The following FXR1 variants were observed in gnomAD, a reference collection of about 807,000 sequenced individuals.
The protein encoded by FXR1 is RNA-binding protein FXR1.
FXR1 carries 15 observed loss-of-function variants against 84.0 expected under a neutral mutation model. That is an observed-to-expected ratio of 0.18 (90% CI 0.12 to 0.27). FXR1 has a LOEUF of 0.27. Ranked by LOEUF, FXR1 falls within the 10% of genes least tolerant of loss-of-function variation. The pLI is 1.00. For synonymous variants in FXR1, 245 were observed against 250.7 expected (o/e 0.98, Z 0.21); for missense variants, 480 against 774.4 (o/e 0.62, Z 4.51).
chr3:180,980,548 A>G lies in FXR1; in HGVS notation c.*4256A>G, dbSNP rs1376161484. ...ATACTTAATTGTTGCTTGGTTGCTT[A>G]CATTTCAACCTCTAGGCTTCCTTTT... On this transcript the variant is annotated 3_prime_UTR_variant, in exon 17 of 17. Transcript: ENST00000357559. 6.6e-6 allele frequency: 1 copy of G among 152,004 alleles called. No homozygotes were observed. The highest frequency in any genetic ancestry group is 1.5e-5 in the Non-Finnish European group (1 of 67,894). The allele number at this position is 152,004 out of a possible 1,614,324, so 9.4% of individuals were successfully genotyped here. A position where few individuals can be genotyped will look rare whatever the true frequency, so the allele number is the denominator to read the frequency against.
chr3:180,926,391 A>G (rs1382778367), intron 1 of FXR1, among the ~76,000 whole-genome samples: 1 of 150,930 alleles, frequency 6.6e-6, no homozygotes, highest in Non-Finnish European at 1.5e-5. Flanking sequence ...TGAAACTTTT[A>G]ATAGGTTGGA....
At chr3:180,964,832 C>T (rs111247037) in intron 13 of FXR1, among the ~76,000 whole-genome samples, 34 of 151,572 alleles carry the variant, frequency 2.2e-4, no homozygotes, top group African/African-American at 7.7e-4. Context: ...TTTAATGGCA[C>T]ATAAAATAAT....
intron 1 of FXR1, among the ~76,000 whole-genome samples, chr3:180,917,945 T>TC (rs1341315339): frequency 3.0e-5 from 2 of 66,096 alleles, no homozygotes; most frequent in Middle Eastern, 0.011. Context: ...AGACTCTGTC[T>TC]CCAAAAAAAA....
rs1418413160 is a variant in FXR1 at position 180,980,997 on chromosome 3, CATT to C, written c.*4706_*4708del. 3 of 151,652 alleles carry C rather than the reference CATT, an allele frequency of 2.0e-5. No individual in the cohort carries two copies. Among genetic ancestry groups the C allele is most frequent in the African/African-American group, 7.3e-5 (3 of 41,272 alleles). 9.4% of individuals were successfully genotyped at this position (151,652 alleles called of 1,614,324 possible). A position where few individuals can be genotyped will look rare whatever the true frequency, so the allele number is the denominator to read the frequency against. ...TTTTTAAGCTTAGTCTGTTCTTTGACATTGTTGATTCATGTTCTAAATTTTCAT... is the reference window on the plus strand; with the variant it reads ...TTTTTAAGCTTAGTCTGTTCTTTGACGTTGATTCATGTTCTAAATTTTCAT... On this transcript the variant is annotated 3_prime_UTR_variant, in exon 17 of 17. Transcript: ENST00000357559.
intron 1 of FXR1, among the ~76,000 whole-genome samples, chr3:180,919,059 T>C (rs988175751): frequency 6.6e-6 from 1 of 152,194 alleles, no homozygotes; most frequent in Non-Finnish European, 1.5e-5. Context: ...TTGTTACTAA[T>C]ATGAGGAGAA....
chr3:180,915,395 T>TA (rs1717763896), intron 1 of FXR1: 8 of 713,844 alleles, frequency 1.1e-5, no homozygotes, highest in Non-Finnish European at 1.6e-5. Flanking sequence ...TAGTTTTTCT[T>TA]ATTCAGAACG....
intron 3 of FXR1, among the ~76,000 whole-genome samples, chr3:180,936,382 C>T (rs545224783): frequency 8.5e-5 from 13 of 152,164 alleles, no homozygotes; most frequent in Non-Finnish European, 1.6e-4. Context: ...ATTCTCCTGC[C>T]ACAGCCTTCT....
intron 1 of FXR1, among the ~76,000 whole-genome samples, chr3:180,930,398 G>T (rs1252470975): frequency 6.6e-6 from 1 of 152,128 alleles, no homozygotes; most frequent in Non-Finnish European, 1.5e-5. Context: ...ATAGAAAAAA[G>T]GTTTTTATTA....
intron 7 of FXR1, among the ~76,000 whole-genome samples, 200 bp from the exon 8 acceptor site, chr3:180,951,098 C>T (rs978346336): frequency 2.0e-5 from 3 of 151,842 alleles, no homozygotes; most frequent in African/African-American, 7.3e-5. Flanking sequence ...TGGTGCGTGC[C>T]TGTATTTCCA....
intron 1 of FXR1, among the ~76,000 whole-genome samples, chr3:180,928,824 C>T (rs1719542799): frequency 6.6e-6 from 1 of 151,960 alleles, no homozygotes; most frequent in Non-Finnish European, 1.5e-5. Context: ...TACTAGATTG[C>T]TTTTGAAATT....
chr3:180,955,537 TTTGA>T (rs1722667084), intron 9 of FXR1, among the ~76,000 whole-genome samples: 1 of 152,184 alleles, frequency 6.6e-6, no homozygotes, highest in Non-Finnish European at 1.5e-5. Context: ...TGAAATCACC[TTTGA>T]TAAGCTGCTT....
At chr3:180,961,367 AGGTG>A (rs1200247561) in intron 10 of FXR1, 97 bp from the exon 11 acceptor site, 15 of 116,166 alleles carry the variant, frequency 1.3e-4, no homozygotes, top group East Asian at 4.1e-4. Context: ...AAAAAAAAAA[AGGTG>A]TGTGTGTGTG....
At chr3:180,928,905 C>CATTTT (rs1719553232) in intron 1 of FXR1, among the ~76,000 whole-genome samples, 9 of 151,726 alleles carry the variant, frequency 5.9e-5, no homozygotes, top group African/African-American at 2.2e-4. Flanking sequence ...TTTCATTTTA[C>CATTTT]ACTTAATTTA....
chr3:180,931,966 C>G (rs1719968850), intron 1 of FXR1, among the ~76,000 whole-genome samples: 1 of 147,728 alleles, frequency 6.8e-6, no homozygotes, highest in African/African-American at 2.5e-5. Flanking sequence ...GTCTCGAACT[C>G]TTGAGCTCAA....
intron 1 of FXR1, among the ~76,000 whole-genome samples, chr3:180,923,838 C>G (rs1266182306): frequency 6.6e-6 from 1 of 151,964 alleles, no homozygotes; most frequent in Admixed American, 6.6e-5. Context: ...TGATCTTCCC[C>G]GCTCAGTCTC....
intron 1 of FXR1, among the ~76,000 whole-genome samples, chr3:180,924,681 G>A (rs1223547106): frequency 4.0e-5 from 6 of 151,672 alleles, no homozygotes; most frequent in East Asian, 4.0e-4. Flanking sequence ...TAGTAGAGAC[G>A]GGGTTTCACC....
chr3:180,947,480 C>T (rs1224747409), intron 3 of FXR1, among the ~76,000 whole-genome samples: 2 of 152,028 alleles, frequency 1.3e-5, no homozygotes, highest in Non-Finnish European at 2.9e-5. Flanking sequence ...GTCATATCCT[C>T]GATGGAATTT....
At chr3:180,916,360 G>A (rs192456076) in intron 1 of FXR1, among the ~76,000 whole-genome samples, 1 of 152,228 alleles carries the variant, frequency 6.6e-6, no homozygotes. Flanking sequence ...TAATAGCATT[G>A]CAATTTGTAT....
Position 180,921,334 on chromosome 3 carries a change from C to T in FXR1, c.51+8598C>T, listed in dbSNP as rs367932639. Among the ~76,000 whole-genome samples, 13 of 148,840 alleles carry T rather than the reference C, an allele frequency of 8.7e-5. No homozygotes were observed. The East Asian group carries it at 1.8e-3, about 20-fold the overall frequency. On this transcript the variant is annotated intron_variant, in intron 1 of 16. Coordinates refer to ENST00000357559, the MANE Select transcript of FXR1 (RefSeq NM_005087.4). ...TGGAGGTTGCAGTGAGCCAAGATCA[C>T]GCCACTGCACTCCAGCCTGGGCAAC... is the stretch of plus-strand genomic sequence containing the variant.
Sources: allele counts gnomAD v4.1 joint callset (sites outside exome capture counted in the v4.1 genomes callset), GRCh38; gene constraint gnomAD v4.1.1; transcripts MANE v1.5; gene names NCBI Gene and HGNC (gene_info 2026-07-23, HGNC 2026-07-21).